FLRT2: variants seen among roughly 807,000 people sequenced by gnomAD.
FLRT2 encodes the protein fibronectin leucine rich transmembrane protein 2, also known as leucine-rich repeat transmembrane protein FLRT2.
Under a neutral mutation model 40.0 loss-of-function variants are expected in FLRT2, and 15 were observed. That is an observed-to-expected ratio of 0.38 (90% CI 0.25 to 0.58). FLRT2 has a LOEUF of 0.58. Among genes scored for constraint, FLRT2 ranks in the 20% least tolerant of loss-of-function variants. The probability of loss-of-function intolerance (pLI) is 0.71; values close to 1 mark genes in which losing one functional copy is unlikely to be tolerated. For synonymous variants in FLRT2, 380 were observed against 336.8 expected (o/e 1.13, Z -1.41); for missense variants, 726 against 840.0 (o/e 0.86, Z 1.68).
In FLRT2 at chr14:85,621,635, C is replaced by G; in HGVS notation, c.121C>G (p.Arg41Gly). ...SKLLACPSVCRCDRNFVYCNE... is the reference protein window; with the variant it reads ...SKLLACPSVCGCDRNFVYCNE... ...ACTCCTGGCCTGCCCTAGTGTGTGC[C>G]GCTGCGACAGGAACTTTGTCTACTG... Residue 41 changes from arginine (R) to glycine (G), a missense_variant, in exon 2 of 2, where the codon CGC (arginine) becomes GGC (glycine). Physicochemically the swap from Arg to Gly is moderately radical, Grantham distance 125. Coordinates refer to ENST00000330753, the MANE Select transcript of FLRT2 (RefSeq NM_013231.6). 1 of 1,614,046 alleles carries G rather than the reference C, an allele frequency of 6.2e-7. No homozygotes were observed. The highest frequency in any genetic ancestry group is 8.5e-7 in the Non-Finnish European group (1 of 1,180,018).
chr14:85,614,527 G>C (rs1264712834), intron 1 of FLRT2, among the ~76,000 whole-genome samples: 1 of 152,168 alleles, frequency 6.6e-6, no homozygotes, highest in Admixed American at 6.5e-5. Flanking sequence ...AAGAGAGAAG[G>C]ACCAGTTGTT....
In FLRT2 at chr14:85,637,077, G is replaced by A. The variant is rs1248251429; in HGVS notation, c.*13580G>A. 3 of 151,896 alleles carry A rather than the reference G, an allele frequency of 2.0e-5. No individual in the cohort carries two copies. Among genetic ancestry groups the A allele is most frequent in the Non-Finnish European group, 4.4e-5 (3 of 67,980 alleles). 9.4% of individuals were successfully genotyped at this position (151,896 alleles called of 1,614,324 possible). A position where few individuals can be genotyped will look rare whatever the true frequency, so the allele number is the denominator to read the frequency against. On this transcript the variant is annotated 3_prime_UTR_variant, in exon 2 of 2. Coordinates refer to ENST00000330753, the MANE Select transcript of FLRT2 (RefSeq NM_013231.6). Reference sequence around the variant, plus strand: ...GACATACATTTTTAGGGAAAAACTAGCAACATGTTTTGTGGAGATAAATGT... The same window carrying A: ...GACATACATTTTTAGGGAAAAACTAACAACATGTTTTGTGGAGATAAATGT...
Position 85,628,083 on chromosome 14 carries a change from C to T in FLRT2, c.*4586C>T, listed in dbSNP as rs1893765992. The stretch of plus-strand genomic sequence containing the variant: ...TTGCATTTCTAAAGGCCATTTGATC[C>T]TTTTTGTGTGAGGAGTTTATATGAA... On this transcript the variant is annotated 3_prime_UTR_variant, in exon 2 of 2. Transcript: ENST00000330753. 6.5e-6 allele frequency: 1 copy of T among 153,154 alleles called. No homozygotes were observed. The allele number at this position is 153,154 out of a possible 1,614,324, so 9.5% of individuals were successfully genotyped here.
In FLRT2 at chr14:85,646,002, G is replaced by C. The variant is rs1336149070; in HGVS notation, c.*22505G>C. ...CCATATTGAAATAGACAATTACTCT[G>C]TATATAGATTTGCCTGCCTTGTAAC... On this transcript the variant is annotated 3_prime_UTR_variant, in exon 2 of 2. Transcript: ENST00000330753. 1 of 150,868 alleles carries C rather than the reference G, an allele frequency of 6.6e-6. No homozygotes were observed. Among genetic ancestry groups the C allele is most frequent in the Admixed American group, 6.6e-5 (1 of 15,074 alleles). The allele number at this position is 150,868 out of a possible 1,614,324, so 9.3% of individuals were successfully genotyped here.
chr14:85,608,431 G>A (rs1277511145), intron 1 of FLRT2, among the ~76,000 whole-genome samples: 5 of 151,796 alleles, frequency 3.3e-5, no homozygotes, highest in Admixed American at 2.6e-4. Context: ...ACTGGGTTTC[G>A]CCATTTTGAC....
chr14:85,593,451 T>C (rs904035958), intron 1 of FLRT2, among the ~76,000 whole-genome samples: 3 of 147,456 alleles, frequency 2.0e-5, no homozygotes, highest in African/African-American at 7.6e-5. Context: ...CACAGGGCTC[T>C]TCCTTACATA....
At chr14:85,553,856 A>T (rs1889792796) in intron 1 of FLRT2, among the ~76,000 whole-genome samples, 1 of 152,172 alleles carries the variant, frequency 6.6e-6, no homozygotes, top group African/African-American at 2.4e-5. Flanking sequence ...TTAACAGATG[A>T]GTTTTCAGGT....
At position 85,557,424 on chromosome 14, in the gene FLRT2, AT is replaced by A. The variant is rs1438126720; in HGVS notation, c.-377+26892del. 3.3e-5 allele frequency among the ~76,000 whole-genome samples: 5 copies of A among 152,192 alleles called. No individual in the cohort carries two copies. The East Asian group carries it at 9.6e-4, about 29-fold the overall frequency. ...GGAATTTCTTGTTTCTTCAGGTTAC[AT>A]TAGGAATATGAAGTATTATGAATGG... On this transcript the variant is annotated intron_variant, in intron 1 of 1. Coordinates refer to ENST00000330753, the MANE Select transcript of FLRT2 (RefSeq NM_013231.6).
In FLRT2 at chr14:85,650,059, A is replaced by G. The variant is rs1052594464; in HGVS notation, c.*26562A>G. On this transcript the variant is annotated 3_prime_UTR_variant, in exon 2 of 2. Coordinates refer to ENST00000330753, the MANE Select transcript of FLRT2 (RefSeq NM_013231.6). ...TTTGCTTCATTGCTTTTATTCATTA[A>G]AAATTACAAATACAATTGAAGCCCT... 1.3e-5 allele frequency: 2 copies of G among 152,078 alleles called. No individual in the cohort carries two copies. The highest frequency in any genetic ancestry group is 2.9e-5 in the Non-Finnish European group (2 of 67,964). The allele number at this position is 152,078 out of a possible 1,614,324, so 9.4% of individuals were successfully genotyped here.
At position 85,649,719 on chromosome 14, in the gene FLRT2, T is replaced by C. The variant is rs1894388786; in HGVS notation, c.*26222T>C. ...ATAAAATTTAATGAACCTTATATCA[T>C]TAATATTTTTGTGTCAATGGTGAGT... On this transcript the variant is annotated 3_prime_UTR_variant, in exon 2 of 2. Coordinates refer to ENST00000330753, the MANE Select transcript of FLRT2 (RefSeq NM_013231.6). 6.6e-6 allele frequency: 1 copy of C among 152,142 alleles called. No individual in the cohort carries two copies. Among genetic ancestry groups the C allele is most frequent in the Non-Finnish European group, 1.5e-5 (1 of 67,992 alleles). 9.4% of individuals were successfully genotyped at this position (152,142 alleles called of 1,614,324 possible).
At chr14:85,554,509 T>G (rs1889840488) in intron 1 of FLRT2, among the ~76,000 whole-genome samples, 1 of 152,228 alleles carries the variant, frequency 6.6e-6, no homozygotes, top group Admixed American at 6.5e-5. Flanking sequence ...TTTGTGTACC[T>G]ATTTTGAATC....
intron 1 of FLRT2, among the ~76,000 whole-genome samples, chr14:85,606,940 A>AT (rs61656247): frequency 1.7e-4 from 24 of 145,326 alleles, no homozygotes; most frequent in South Asian, 4.4e-4. Flanking sequence ...GATTGCCTAG[A>AT]TTTTTTTTTT....
chr14:85,542,517 A>C (rs1889037490), intron 1 of FLRT2, among the ~76,000 whole-genome samples: 1 of 152,150 alleles, frequency 6.6e-6, no homozygotes, highest in Admixed American at 6.5e-5. Context: ...TAATTAATCA[A>C]ATTGGACCTG....
At position 85,633,297 on chromosome 14, in the gene FLRT2, C is replaced by A. The variant is rs996801572; in HGVS notation, c.*9800C>A. 6.6e-6 allele frequency: 1 copy of A among 152,006 alleles called. No homozygotes were observed. The highest frequency in any genetic ancestry group is 1.5e-5 in the Non-Finnish European group (1 of 67,998). The allele number at this position is 152,006 out of a possible 1,614,324, so 9.4% of individuals were successfully genotyped here. A position where few individuals can be genotyped will look rare whatever the true frequency, so the allele number is the denominator to read the frequency against. ...TGGGATAACACACAACCATGGCAGG[C>A]CTTTTTTCTCATGGTGTGTGGGATC... is the stretch of plus-strand genomic sequence containing the variant. On this transcript the variant is annotated 3_prime_UTR_variant, in exon 2 of 2. Coordinates refer to ENST00000330753, the MANE Select transcript of FLRT2 (RefSeq NM_013231.6).
intron 1 of FLRT2, among the ~76,000 whole-genome samples, chr14:85,599,212 G>A (rs1478105723): frequency 1.7e-5 from 2 of 118,454 alleles, no homozygotes; most frequent in African/African-American, 3.4e-5. Context: ...GAGCCGCTGC[G>A]CCTGGCCTTT....
chr14:85,610,226 GAAA>G (rs546441535), intron 1 of FLRT2, among the ~76,000 whole-genome samples: 1 of 148,270 alleles, frequency 6.7e-6, no homozygotes, highest in Non-Finnish European at 1.5e-5. Context: ...GAGACAGGTG[GAAA>G]AAAAAAAGTG....
At position 85,637,543 on chromosome 14, in the gene FLRT2, A is replaced by G. The variant is rs1188988841; in HGVS notation, c.*14046A>G. ...CCATTCAATATTCTTTCTTTCCACA[A>G]TCGTCTGTCACTCCCGGTAGAACTA... On this transcript the variant is annotated 3_prime_UTR_variant, in exon 2 of 2. Coordinates refer to ENST00000330753, the MANE Select transcript of FLRT2 (RefSeq NM_013231.6). 6.6e-6 allele frequency: 1 copy of G among 152,158 alleles called. No individual in the cohort carries two copies. The highest frequency in any genetic ancestry group is 1.5e-5 in the Non-Finnish European group (1 of 68,034). 9.4% of individuals were successfully genotyped at this position (152,158 alleles called of 1,614,324 possible).
chr14:85,617,292 A>T (rs542684365), intron 1 of FLRT2, among the ~76,000 whole-genome samples: 1 of 152,172 alleles, frequency 6.6e-6, no homozygotes, highest in South Asian at 2.1e-4. Context: ...TACATAGAGA[A>T]CAATCAGCAT....
intron 1 of FLRT2, among the ~76,000 whole-genome samples, chr14:85,588,574 T>C (rs1891741301): frequency 6.6e-6 from 1 of 152,106 alleles, no homozygotes; most frequent in Admixed American, 6.6e-5. Context: ...ATCATGAGAA[T>C]GGGGTATCCA....
Sources: gnomAD v4.1 joint callset for allele counts (sites outside exome capture counted in the v4.1 genomes callset) on GRCh38, gnomAD v4.1.1 for gene constraint, MANE v1.5 for transcripts, NCBI Gene and HGNC (gene_info 2026-07-23, HGNC 2026-07-21) for gene names.